The following LUZP1 variants were observed in gnomAD, a reference collection of about 807,000 sequenced individuals.
LUZP1 encodes filamin mechanobinding actin cross-linking protein.
In LUZP1, 25 loss-of-function variants were observed where a neutral mutation model predicts 71.3. That is an observed-to-expected ratio of 0.35 (90% CI 0.26 to 0.49). LUZP1 has a LOEUF of 0.49. Among genes scored for constraint, LUZP1 ranks in the 20% least tolerant of loss-of-function variants. The probability of loss-of-function intolerance (pLI) is 0.99; values close to 1 mark genes in which losing one functional copy is unlikely to be tolerated. For synonymous variants in LUZP1, 481 were observed against 506.4 expected, an observed-to-expected ratio of 0.95 and a Z score of 0.67; for missense variants, 1,142 against 1,300.8, an observed-to-expected ratio of 0.88 and a Z score of 1.88.
intron 2 of LUZP1, among the ~76,000 whole-genome samples, chr1:23,123,492 C>CAA (rs10716851): frequency 4.7e-5 from 5 of 106,868 alleles, no homozygotes; most frequent in East Asian, 2.9e-4. Flanking sequence ...ACTTTGTCTC[C>CAA]AAAAAAAAAA....
chr1:23,133,908 C>T (rs2124692114), intron 2 of LUZP1, among the ~76,000 whole-genome samples: 1 of 152,176 alleles, frequency 6.6e-6, no homozygotes, highest in African/African-American at 2.4e-5. Context: ...AATCTAAGTA[C>T]AAGAAAACAA....
chr1:23,084,967 C>G (rs1000217848), exon 5 of LUZP1: 1 of 152,642 alleles, frequency 6.6e-6, no homozygotes, highest in South Asian at 2.1e-4. Flanking sequence ...ACAGAGTATA[C>G]GGAAACGAGG....
intron 2 of LUZP1, among the ~76,000 whole-genome samples, chr1:23,150,439 A>T (rs2124728836): frequency 6.6e-6 from 1 of 152,290 alleles, no homozygotes; most frequent in Non-Finnish European, 1.5e-5. Context: ...CATTACAGAA[A>T]AAGCCGTGTT....
chr1:23,159,095 C>T (rs984190923), intron 2 of LUZP1, among the ~76,000 whole-genome samples: 1 of 152,068 alleles, frequency 6.6e-6, no homozygotes, highest in African/African-American at 2.4e-5. Flanking sequence ...AACCCCAGCA[C>T]TTTGGGAGGC....
exon 4 of LUZP1, chr1:23,091,815 T>C: frequency 6.2e-7 from 1 of 1,614,112 alleles, no homozygotes; most frequent in Non-Finnish European, 8.5e-7. Flanking sequence ...TGTGTGCCTC[T>C]CCCTCAGGGC....
At position 23,138,997 on chromosome 1, in the gene LUZP1, C is replaced by CAAAAAAAAAAA. The variant is rs535524035; in HGVS notation, c.-226+29758_-226+29768dup. On this transcript the variant is annotated intron_variant, in intron 2 of 4. Transcript: ENST00000302291. ...TGGGTGACAGAGCAAGACTCCATCT[C>CAAAAAAAAAAA]AAAAAAAAAAAAAAAAAAAAAAATA... Among the ~76,000 whole-genome samples the CAAAAAAAAAAA allele has an allele frequency of 1.8e-3, 39 of 21,578 alleles. 5 individuals are homozygous for CAAAAAAAAAAA. Among genetic ancestry groups the CAAAAAAAAAAA allele is most frequent in the African/African-American group, 2.2e-3 (12 of 5,418 alleles). The allele number at this position is 21,578 out of a possible 152,430, so 14.2% of individuals were successfully genotyped here.
chr1:23,096,079 G>C (rs988534874), intron 3 of LUZP1, among the ~76,000 whole-genome samples: 2 of 149,220 alleles, frequency 1.3e-5, no homozygotes, highest in Non-Finnish European at 3.0e-5. Flanking sequence ...TTATTGGCTA[G>C]AGACCATACA....
chr1:23,133,316 C>A (rs1201984730), intron 2 of LUZP1: 1 of 152,100 alleles, frequency 6.6e-6, no homozygotes, highest in Non-Finnish European at 1.5e-5. Context: ...ATCACAACCG[C>A]CAGTGTAATA....
chr1:23,159,327 C>T (rs543023761), intron 2 of LUZP1, among the ~76,000 whole-genome samples: 2 of 151,874 alleles, frequency 1.3e-5, no homozygotes, highest in East Asian at 1.9e-4. Flanking sequence ...GGCTACAGAG[C>T]GAGACTCTGT....
At chr1:23,146,880 G>A (rs1016152774) in intron 2 of LUZP1, among the ~76,000 whole-genome samples, 18 of 148,224 alleles carry the variant, frequency 1.2e-4, no homozygotes, top group African/African-American at 3.0e-4. Context: ...GGCGGATCAC[G>A]AGGTCAGGAG....
At chr1:23,091,485 C>A (rs143980720) in exon 4 of LUZP1, 1 of 1,614,090 alleles carries the variant, frequency 6.2e-7, no homozygotes, top group African/African-American at 1.3e-5. Context: ...GTCTCGCCTA[C>A]TCTTCCAGGC....
At chr1:23,164,753 C>T (rs1335693658) in intron 2 of LUZP1, among the ~76,000 whole-genome samples, 1 of 151,456 alleles carries the variant, frequency 6.6e-6, no homozygotes, top group African/African-American at 2.4e-5. Context: ...TTACTTAAAA[C>T]AAGTTAGAGA....
intron 2 of LUZP1, among the ~76,000 whole-genome samples, chr1:23,149,231 A>G (rs1201537866): frequency 6.6e-6 from 1 of 152,088 alleles, no homozygotes; most frequent in African/African-American, 2.4e-5. Flanking sequence ...GAGCCACAGC[A>G]GGACTGAGGA....
In LUZP1 at chr1:23,093,023, G is replaced by C; in HGVS notation, c.1239C>G (p.Asn413Lys). The C allele has an allele frequency of 6.2e-7, 1 of 1,614,136 alleles. No homozygotes were observed. The highest frequency in any genetic ancestry group is 1.7e-5 in the Admixed American group (1 of 60,030). ...AAACCTGCCTGTTGCTCAGAGAATA[G>C]TTTTCATTGTTGAGAGCAAACTCCC... Residue 413 changes from asparagine to lysine, a missense_variant, in exon 4 of 5, where the codon AAC (asparagine) becomes AAG (lysine). Coordinates refer to ENST00000302291, the Ensembl canonical transcript of LUZP1. This position sits in a 1 kb window ranked among gnomAD's most constrained non-coding sequence, Gnocchi z 4.2.
chr1:23,086,840 A>G (rs1643773179), exon 5 of LUZP1: 1 of 152,684 alleles, frequency 6.5e-6, no homozygotes, highest in Admixed American at 6.5e-5. Context: ...AAGGCAGGCC[A>G]CATGACAATG....
chr1:23,139,019 AATATATATAT>A (rs1225155907), intron 2 of LUZP1, among the ~76,000 whole-genome samples: 1,170 of 59,784 alleles, frequency 0.02, 14 homozygotes, highest in Middle Eastern at 0.028. Flanking sequence ...AAAAAAAAAA[AATATATATAT>A]ATATATATAT....
At chr1:23,128,485 A>G (rs1205531632) in intron 2 of LUZP1, among the ~76,000 whole-genome samples, 1 of 152,248 alleles carries the variant, frequency 6.6e-6, no homozygotes, top group Non-Finnish European at 1.5e-5. Context: ...AGTGTTATAC[A>G]ATATTAATTA....
At position 23,094,212 on chromosome 1, in the gene LUZP1, C is replaced by T. The variant is rs775688967; in HGVS notation, c.50G>A (p.Arg17Gln). 8.1e-6 allele frequency: 13 copies of T among 1,612,476 alleles called. 1 individual carries two copies. In the South Asian group the frequency reaches 9.9e-5, roughly 12 times the overall value. The change falls in exon 4 of 5, where the codon CGG becomes CAG. Residue 17 changes from arginine (R) to glutamine (Q), a missense_variant. By Grantham distance (43) the Arg-to-Gln change is conservative. Transcript: ENST00000302291. This position sits in a 1 kb window ranked among gnomAD's most constrained non-coding sequence, Gnocchi z 4.7. Reference sequence around the variant, plus strand: ...GCGGCTTAGACTCTGTAGCTTAAACCGCAAGTGGCGGCTGGAGGCCGTCTC... The same window carrying T: ...GCGGCTTAGACTCTGTAGCTTAAACTGCAAGTGGCGGCTGGAGGCCGTCTC...
intron 2 of LUZP1, among the ~76,000 whole-genome samples, chr1:23,138,949 G>A (rs1644278134): frequency 7.9e-6 from 1 of 126,084 alleles, no homozygotes; most frequent in Admixed American, 9.8e-5. Context: ...AGTGAGTCAA[G>A]ATGGCACCAC....
Sources: gnomAD v4.1 joint callset for allele counts (sites outside exome capture counted in the v4.1 genomes callset) on GRCh38, gnomAD v4.1.1 for gene constraint, Gnocchi (gnomAD v3.1) non-coding constraint, MANE v1.5 for transcripts, NCBI Gene and HGNC (gene_info 2026-07-23, HGNC 2026-07-21) for gene names.